Variants in LARP1B observed in about 807,000 individuals in gnomAD.
The protein encoded by LARP1B is la-related protein 1B.
In LARP1B, 76 loss-of-function variants were observed where a neutral mutation model predicts 114.2. The ratio of observed to expected loss-of-function variants is 0.67; its 90% CI spans 0.55 to 0.81. The LOEUF (loss-of-function observed/expected upper bound fraction) is 0.81. LARP1B is among the 30% of genes least tolerant of loss of function. The pLI, the probability that LARP1B is intolerant of heterozygous loss-of-function variation, is 0.00. For missense variants in LARP1B, 1,014 were observed against 1,075.8 expected (o/e 0.94, Z 0.80); for synonymous variants, 345 against 348.0 (o/e 0.99, Z 0.10).
At chr4:128,093,598 AAAAG>A (rs1180106658) in intron 7 of LARP1B, among the ~76,000 whole-genome samples, 1 of 152,186 alleles carries the variant, frequency 6.6e-6, no homozygotes, top group African/African-American at 2.4e-5. Flanking sequence ...TCTGTCTCAA[AAAAG>A]AAAGAAAAAA....
Position 128,139,857 on chromosome 4 carries a change from G to A in LARP1B, c.1524+17669G>A, listed in dbSNP as rs775698544. 7.3e-4 allele frequency among the ~76,000 whole-genome samples: 101 copies of A among 138,156 alleles called. 1 individual carries two copies. The highest frequency in any genetic ancestry group is 1.1e-3 in the Non-Finnish European group (68 of 62,932). The allele number at this position is 138,156 out of a possible 152,430, so 90.6% of individuals were successfully genotyped here. ...ATCAGATGGTAAGTAGAGTTTGGGA[G>A]TATTTGGAGCAAGAACCTCAATCTG... On this transcript the variant is annotated intron_variant, in intron 11 of 19. Coordinates refer to ENST00000326639, the MANE Select transcript of LARP1B (RefSeq NM_018078.4).
rs201379100 is a variant in LARP1B, at chr4:128,074,938, G to A, written c.-14G>A. On this transcript the variant is annotated 5_prime_UTR_variant, in exon 3 of 20. The change creates a new upstream start codon in the 5' untranslated region. Coordinates refer to ENST00000326639, the MANE Select transcript of LARP1B (RefSeq NM_018078.4). ...CACTTATTTGTTACTTCTTAGGCTA[G>A]TGATTTCAGTGATATGGAGAATTGG... 2 of 1,602,304 alleles carry A rather than the reference G, an allele frequency of 1.2e-6. No individual in the cohort carries two copies. Among genetic ancestry groups the A allele is most frequent in the East Asian group, 2.2e-5 (1 of 44,744 alleles).
chr4:128,061,943 C>T (rs1760267679), intron 1 of LARP1B: 22 of 985,208 alleles, frequency 2.2e-5, no homozygotes, highest in Non-Finnish European at 2.5e-5. Context: ...CCCCGTGAGG[C>T]CCCTGGCGCT....
intron 12 of LARP1B, among the ~76,000 whole-genome samples, chr4:128,164,688 T>C (rs774574550): frequency 2.0e-4 from 31 of 152,112 alleles, no homozygotes; most frequent in Non-Finnish European, 4.4e-4. Flanking sequence ...TGCAGGCCAT[T>C]GTGGCTCATG....
At chr4:128,089,255 A>G (rs1774899501) in intron 5 of LARP1B, among the ~76,000 whole-genome samples, 1 of 152,192 alleles carries the variant, frequency 6.6e-6, no homozygotes, top group Non-Finnish European at 1.5e-5. Flanking sequence ...TAGGATTTGC[A>G]TATCTTCACA....
At chr4:128,132,435 G>A (rs746736340) in intron 11 of LARP1B, among the ~76,000 whole-genome samples, 3 of 151,968 alleles carry the variant, frequency 2.0e-5, no homozygotes, top group African/African-American at 7.3e-5. Flanking sequence ...TGGTAGAGAC[G>A]GAATTTCACC....
chr4:128,137,787 A>AT (rs1275816028), intron 11 of LARP1B, among the ~76,000 whole-genome samples: 3 of 85,028 alleles, frequency 3.5e-5, no homozygotes, highest in African/African-American at 1.3e-4. Flanking sequence ...ATATATATAT[A>AT]TATATTTTTT....
intron 15 of LARP1B, among the ~76,000 whole-genome samples, chr4:128,185,925 GA>G: frequency 6.6e-6 from 1 of 152,134 alleles, no homozygotes; most frequent in South Asian, 2.1e-4. Context: ...CCCACTTATC[GA>G]AGTGACTGTC....
rs529984863 is a variant in LARP1B, at chr4:128,196,294, A to G, written c.2004-3145A>G. Among the ~76,000 whole-genome samples the G allele has an allele frequency of 1.8e-4, 26 of 141,548 alleles. No individual in the cohort carries two copies. In the South Asian group the frequency reaches 2.0e-3, roughly 11 times the overall value. 92.9% of individuals were successfully genotyped at this position (141,548 alleles called of 152,430 possible). A position where few individuals can be genotyped will look rare whatever the true frequency, so the allele number is the denominator to read the frequency against. ...AAAGAAAGAAAGAAAAAGAAAAGGGAAAAAAAAAAACCCAAAAATTAACAC... is the reference window on the plus strand; with the variant it reads ...AAAGAAAGAAAGAAAAAGAAAAGGGGAAAAAAAAAACCCAAAAATTAACAC... On this transcript the variant is annotated intron_variant, in intron 15 of 19. Coordinates refer to ENST00000326639, the MANE Select transcript of LARP1B (RefSeq NM_018078.4).
intron 8 of LARP1B, among the ~76,000 whole-genome samples, chr4:128,106,874 C>A (rs1306087565): frequency 6.6e-6 from 1 of 152,208 alleles, no homozygotes; most frequent in East Asian, 1.9e-4. Context: ...TTGCTTCTAG[C>A]TGATTCAGTA....
Position 128,121,841 on chromosome 4 carries a change from C to A in LARP1B, c.1177C>A (p.Pro393Thr), listed in dbSNP as rs1383205008. The A allele has an allele frequency of 1.9e-6, 3 of 1,585,868 alleles. No homozygotes were observed. The highest frequency in any genetic ancestry group is 2.3e-5 in the South Asian group (2 of 85,988). Residue 393 changes from proline to threonine, a missense_variant, in exon 11 of 20, where the codon CCT becomes ACT. Physicochemically the swap from Pro to Thr is conservative, Grantham distance 38 (BLOSUM62 -1). Transcript: ENST00000326639. ...PVKLRESVSV[P>T]EGSLNQLCSS... ...CTTCCTTCAGGAATCAGTGTCTGTC[C>A]CTGAAGGGTCATTAAATCAGCTATG...
chr4:128,073,288 C>T (rs1416959150), intron 1 of LARP1B, among the ~76,000 whole-genome samples: 11 of 151,156 alleles, frequency 7.3e-5, no homozygotes, highest in Non-Finnish European at 1.3e-4. Context: ...TGGTGGCAGG[C>T]GCCTGTAATC....
At chr4:128,200,266 A>C (rs1476530210) in intron 16 of LARP1B, among the ~76,000 whole-genome samples, 1 of 152,100 alleles carries the variant, frequency 6.6e-6, no homozygotes, top group Non-Finnish European at 1.5e-5. Context: ...GTTTTGGATA[A>C]AACTGTTCCA....
intron 7 of LARP1B, among the ~76,000 whole-genome samples, chr4:128,095,833 C>T (rs187078769): frequency 8.7e-4 from 133 of 152,092 alleles, no homozygotes; most frequent in African/African-American, 3.1e-3. Context: ...TGAAAACTTT[C>T]TCTGTGATTT....
chr4:128,065,862 C>T (rs1368071296), intron 1 of LARP1B, among the ~76,000 whole-genome samples: 2 of 151,996 alleles, frequency 1.3e-5, no homozygotes, highest in Non-Finnish European at 2.9e-5. Flanking sequence ...GTCAGTCTTG[C>T]TCTATTGCAG....
intron 7 of LARP1B, among the ~76,000 whole-genome samples, chr4:128,220,728 C>CT (rs1759950707): frequency 6.6e-6 from 1 of 152,130 alleles, no homozygotes; most frequent in African/African-American, 2.4e-5. Flanking sequence ...TTTTTTAACT[C>CT]TTGAGATGTG....
chr4:128,084,589 C>G (rs1283925751), intron 5 of LARP1B, among the ~76,000 whole-genome samples: 1 of 144,098 alleles, frequency 6.9e-6, no homozygotes, highest in East Asian at 1.9e-4. Context: ...AGTCCAGCTT[C>G]GGCTCGGCAT....
In LARP1B at chr4:128,206,471, G is replaced by A. The variant is rs771152910; in HGVS notation, c.2353G>A (p.Glu785Lys). 6.2e-7 allele frequency: 1 copy of A among 1,612,056 alleles called. No individual in the cohort carries two copies. Among genetic ancestry groups the A allele is most frequent in the Non-Finnish European group, 8.5e-7 (1 of 1,179,194 alleles). Residue 785 changes from glutamate to lysine, a missense_variant, in exon 18 of 20, where the codon GAA becomes AAA. Transcript: ENST00000326639. ...GTTCAGGTTTTATAGTTATGGACTG[G>A]AAAAAAAATTCAGGCGAGAAATTTT... ...CLFRFYSYGL[E>K]KKFRREIFQD...
intron 11 of LARP1B, among the ~76,000 whole-genome samples, chr4:128,128,136 G>A (rs531157214): frequency 2.6e-5 from 4 of 152,176 alleles, no homozygotes; most frequent in Non-Finnish European, 5.9e-5. Flanking sequence ...ATTAACTTGA[G>A]TTAAATTCAT....
Sources: allele counts gnomAD v4.1 joint callset (sites outside exome capture counted in the v4.1 genomes callset), GRCh38; gene constraint gnomAD v4.1.1; transcripts MANE v1.5; gene names NCBI Gene and HGNC (gene_info 2026-07-23, HGNC 2026-07-21).